Variants in HSPG2 observed in about 807,000 individuals in gnomAD.
HSPG2 encodes the protein heparan sulfate proteoglycan 2.
A neutral mutation model predicts 526.6 loss-of-function variants in HSPG2; 278 were observed. That is an observed-to-expected ratio of 0.53 (90% confidence interval 0.48 to 0.58). The LOEUF is 0.58. Among genes scored for constraint, HSPG2 ranks in the 20% least tolerant of loss-of-function variants. The pLI is 0.00. For missense variants in HSPG2, 5,354 were observed against 6,099.5 expected (o/e 0.88, Z 4.07); for synonymous variants, 2,465 against 2,555.4 (o/e 0.96, Z 1.07).
chr1:21,853,641 G>C (rs1639085945), intron 50 of HSPG2: 1 of 163,416 alleles, frequency 6.1e-6, no homozygotes, highest in Non-Finnish European at 1.3e-5. Context: ...TAGCTACTCA[G>C]AAGGCTGAGG....
rs115892108 is a variant in HSPG2, at chr1:21,915,388, T to C, written c.64-19078A>G. ...ATGCCAGCAGCTGAAAGGGCAGATA[T>C]GCAGACAGGCTGCAGGGAGCACGTG... On this transcript the variant is annotated intron_variant, in intron 1 of 96. Transcript: ENST00000374695. Among the ~76,000 whole-genome samples, 636 of 152,270 alleles carry C rather than the reference T, an allele frequency of 4.2e-3. 7 individuals are homozygous for C. Among genetic ancestry groups the C allele is most frequent in the African/African-American group, 0.015 (615 of 41,548 alleles).
At chr1:21,891,693 C>T (rs1484175499) in intron 3 of HSPG2, among the ~76,000 whole-genome samples, 3 of 152,164 alleles carry the variant, frequency 2.0e-5, no homozygotes, top group Non-Finnish European at 2.9e-5. Flanking sequence ...TCACTGCAGC[C>T]TCAAACTCTA....
chr1:21,917,278 C>T (rs1643909204), intron 1 of HSPG2, among the ~76,000 whole-genome samples: 1 of 151,300 alleles, frequency 6.6e-6, no homozygotes, highest in Non-Finnish European at 1.5e-5. Flanking sequence ...ATGAAAAATA[C>T]AAAAATCAGC....
At chr1:21,881,296 A>C in intron 14 of HSPG2, 43 bp downstream of exon 14, 1 of 1,607,660 alleles carries the variant, frequency 6.2e-7, no homozygotes. Flanking sequence ...CAGAGCCCAC[A>C]GGAATTCTTT....
chr1:21,844,288 C>T lies in HSPG2; in HGVS notation c.8476G>A (p.Ala2826Thr), dbSNP rs768847707. Residue 2826 changes from alanine (A) to threonine (T), a missense_variant, in exon 65 of 97, where the codon GCC (alanine) becomes ACC (threonine). Transcript: ENST00000374695. ...GAGGGCTCGATGCGGATGGGTGGGGCTCCACCTGGGGCTGGGGCACAGGGG... is the reference window on the plus strand; with the variant it reads ...GAGGGCTCGATGCGGATGGGTGGGGTTCCACCTGGGGCTGGGGCACAGGGG... Reference protein sequence around the residue: ...SAVHVPAPGGAPPIRIEPSSS... With the variant: ...SAVHVPAPGGTPPIRIEPSSS... 5.0e-6 allele frequency: 8 copies of T among 1,612,796 alleles called. No homozygotes were observed. In the Admixed American group the frequency reaches 8.3e-5, roughly 17 times the overall value.
rs755251798 is a variant in HSPG2, at chr1:21,851,885, G to A, written c.6912C>T (p.Ala2304=). ...CCCGGCAGACGTACTGTCCCGCATC[G>A]GCAGGTGAGGCCTGGAAGATGTACA... is the stretch of plus-strand genomic sequence containing the variant. ...SRLYIFQASP[A]DAGQYVCRAS... The change falls in exon 54 of 97, where the codon GCC becomes GCT. Residue 2304 remains alanine, a synonymous_variant. Coordinates refer to ENST00000374695, the MANE Select transcript of HSPG2 (RefSeq NM_005529.7). 1.1e-5 allele frequency: 17 copies of A among 1,611,708 alleles called. No homozygotes were observed. The African/African-American group carries it at 1.5e-4, about 14-fold the overall frequency.
chr1:21,882,520 G>C (rs1042627700), intron 13 of HSPG2, among the ~76,000 whole-genome samples: 2 of 151,896 alleles, frequency 1.3e-5, no homozygotes, highest in Non-Finnish European at 2.9e-5. Context: ...AACTTTCGGT[G>C]GAGTGAAAAT....
At position 21,887,127 on chromosome 1, in the gene HSPG2, G is replaced by A; in HGVS notation, c.1078+88C>T. ...GGAGGGGGGAAAGCGGAGGGGCAGG[G>A]TAGGGGCGGGGCAGGAGTGGAAGGC... On this transcript the variant is annotated intron_variant, in intron 9 of 96. Coordinates refer to ENST00000374695, the MANE Select transcript of HSPG2 (RefSeq NM_005529.7). This position sits in a 1 kb window ranked among gnomAD's most constrained non-coding sequence, Gnocchi z 5.0. 1 of 1,209,028 alleles carries A rather than the reference G, an allele frequency of 8.3e-7. No homozygotes were observed. Among genetic ancestry groups the A allele is most frequent in the Non-Finnish European group, 1.1e-6 (1 of 881,776 alleles). The allele number at this position is 1,209,028 out of a possible 1,614,324, so 74.9% of individuals were successfully genotyped here. A position where few individuals can be genotyped will look rare whatever the true frequency, so the allele number is the denominator to read the frequency against.
Position 21,892,692 on chromosome 1 carries a change from T to A in HSPG2, c.245-1998A>T, listed in dbSNP as rs142090991. ...GAGTTCAAGACCAGGCTGGCCAACA[T>A]GGTGAAAATACAAAAATTAACCAGG... is the stretch of plus-strand genomic sequence containing the variant. On this transcript the variant is annotated intron_variant, in intron 3 of 96. Transcript: ENST00000374695. Among the ~76,000 whole-genome samples, 951 of 151,702 alleles carry A rather than the reference T, an allele frequency of 6.3e-3. 13 individuals are homozygous for A. The highest frequency in any genetic ancestry group is 0.022 in the African/African-American group (905 of 41,416).
chr1:21,924,574 C>A (rs1644134076), intron 1 of HSPG2, among the ~76,000 whole-genome samples: 1 of 151,986 alleles, frequency 6.6e-6, no homozygotes, highest in African/African-American at 2.4e-5. Context: ...AGAAAGGAGC[C>A]CATCTTGTGA....
In HSPG2 at chr1:21,865,238, T is replaced by C; in HGVS notation, c.4395+47A>G. On this transcript the variant is annotated intron_variant, in intron 35 of 96. Coordinates refer to ENST00000374695, the MANE Select transcript of HSPG2 (RefSeq NM_005529.7). This position sits in a 1 kb window ranked among gnomAD's most constrained non-coding sequence, Gnocchi z 5.4. ...ATCAAAGCCAGGCTCTGAGTCAGGGTGGAGGGTGGGGTGGGGTTAGACACA... is the reference window on the plus strand; with the variant it reads ...ATCAAAGCCAGGCTCTGAGTCAGGGCGGAGGGTGGGGTGGGGTTAGACACA... The C allele has an allele frequency of 6.3e-7, 1 of 1,583,448 alleles. No individual in the cohort carries two copies. The highest frequency in any genetic ancestry group is 8.7e-7 in the Non-Finnish European group (1 of 1,153,412).
chr1:21,876,619 C>A lies in HSPG2; in HGVS notation c.2719G>T (p.Ala907Ser), dbSNP rs1414678586. The change falls in exon 22 of 97, where the codon GCT becomes TCT. Residue 907 changes from alanine (A) to serine (S), a missense_variant. Ala to Ser is a moderately conservative substitution (Grantham distance 99). Transcript: ENST00000374695. ...GTACTCAGGTGGAAAGAGCCGTCAGCACATTCATTGCACAAGCGCCCCACC... is the reference window on the plus strand; with the variant it reads ...GTACTCAGGTGGAAAGAGCCGTCAGAACATTCATTGCACAAGCGCCCCACC... ...NVVGRLCNEC[A>S]DGSFHLSTRN... The A allele has an allele frequency of 3.7e-6, 6 of 1,614,104 alleles. No homozygotes were observed. The highest frequency in any genetic ancestry group is 5.1e-6 in the Non-Finnish European group (6 of 1,180,050).
Position 21,864,201 on chromosome 1 carries a change from CG to C in HSPG2, c.4638del (p.Gly1547AlafsTer71). 6.4e-7 allele frequency: 1 copy of C among 1,552,066 alleles called. No homozygotes were observed. The highest frequency in any genetic ancestry group is 8.7e-7 in the Non-Finnish European group (1 of 1,147,626). On this transcript the variant is annotated frameshift_variant, in exon 37 of 97. Coordinates refer to ENST00000374695, the MANE Select transcript of HSPG2 (RefSeq NM_005529.7). LOFTEE classifies it high-confidence loss of function. The surrounding 1 kb of genome is among the most constrained non-coding windows in gnomAD (Gnocchi z 4.8). ...YIGLSCQDCAPGYTRTGSGLY... is the reference protein window; with the variant it reads ...YIGLSCQDCAXGYTRTGSGLY... ...AGCCCACTCCCGGTGCGCGTGTAGCCGGGGGCACAGTCCTAGGGGCAGAGAG... is the reference window on the plus strand; with the variant it reads ...AGCCCACTCCCGGTGCGCGTGTAGCCGGGGCACAGTCCTAGGGGCAGAGAG...
chr1:21,851,269 G>A (rs1294937363), intron 55 of HSPG2: 5 of 505,442 alleles, frequency 9.9e-6, no homozygotes, highest in East Asian at 3.7e-5. Flanking sequence ...CACCGTGCCC[G>A]GCTGGTACGT....
intron 1 of HSPG2, among the ~76,000 whole-genome samples, chr1:21,929,006 C>A (rs34857065): frequency 6.6e-6 from 1 of 151,744 alleles, no homozygotes; most frequent in Non-Finnish European, 1.5e-5. Flanking sequence ...GTGATCCGCC[C>A]GCCTTGGCCT....
chr1:21,832,250 C>CATGAATGA (rs199817928), intron 81 of HSPG2, among the ~76,000 whole-genome samples: 10 of 152,154 alleles, frequency 6.6e-5, no homozygotes, highest in South Asian at 2.1e-4. Flanking sequence ...CTGATGCATG[C>CATGAATGA]ATGCATGAAT....
In HSPG2 at chr1:21,851,878, C is replaced by T. The variant is rs1638928061; in HGVS notation, c.6919G>A (p.Gly2307Arg). The change falls in exon 54 of 97, where the codon GGA (glycine) becomes AGA (arginine). Residue 2307 changes from glycine (G) to arginine (R), a missense_variant. Transcript: ENST00000374695. Reference sequence around the variant, plus strand: ...TTGCTGGCCCGGCAGACGTACTGTCCCGCATCGGCAGGTGAGGCCTGGAAG... The same window carrying T: ...TTGCTGGCCCGGCAGACGTACTGTCTCGCATCGGCAGGTGAGGCCTGGAAG... ...YIFQASPADA[G>R]QYVCRASNGM... is the part of the protein sequence containing the mutation. 1 of 1,612,650 alleles carries T rather than the reference C, an allele frequency of 6.2e-7. No individual in the cohort carries two copies. Among genetic ancestry groups the T allele is most frequent in the Non-Finnish European group, 8.5e-7 (1 of 1,179,622 alleles).
chr1:21,850,381 G>A lies in HSPG2; in HGVS notation c.7276C>T (p.Pro2426Ser), dbSNP rs1449593780. 2 of 1,609,280 alleles carry A rather than the reference G, an allele frequency of 1.2e-6. No homozygotes were observed. Among genetic ancestry groups the A allele is most frequent in the Non-Finnish European group, 1.7e-6 (2 of 1,178,226 alleles). ...LEASVLVTIE[P>S]AGSVPALGVT... The stretch of plus-strand genomic sequence containing the variant: ...TACTCACCAGGCACTGAGCCCGCAG[G>A]CTCAATGGTGACCAGGACAGAGGCC... Residue 2426 changes from proline (P) to serine (S), a missense_variant, in exon 56 of 97, where the codon CCT (proline) becomes TCT (serine). Transcript: ENST00000374695.
chr1:21,824,631 G>C lies in HSPG2; in HGVS notation c.12666-16C>G. 2 of 1,613,976 alleles carry C rather than the reference G, an allele frequency of 1.2e-6. No homozygotes were observed. Among genetic ancestry groups the C allele is most frequent in the Non-Finnish European group, 1.7e-6 (2 of 1,179,998 alleles). On this transcript the variant is annotated splice_polypyrimidine_tract_variant and intron_variant, in intron 92 of 96. Coordinates refer to ENST00000374695, the MANE Select transcript of HSPG2 (RefSeq NM_005529.7). The surrounding 1 kb of genome is among the most constrained non-coding windows in gnomAD (Gnocchi z 5.9). ...CTCGGGCAGGCTGCGGAGGAAGAGCGGGTGAGGGGACAGAAGTCCCAGATT... is the reference window on the plus strand; with the variant it reads ...CTCGGGCAGGCTGCGGAGGAAGAGCCGGTGAGGGGACAGAAGTCCCAGATT...
Sources: gnomAD v4.1 joint callset for allele counts (sites outside exome capture counted in the v4.1 genomes callset) on GRCh38, gnomAD v4.1.1 for gene constraint, Gnocchi (gnomAD v3.1) non-coding constraint, MANE v1.5 for transcripts, NCBI Gene and HGNC (gene_info 2026-07-23, HGNC 2026-07-21) for gene names.